Variants in ABL1 observed in about 807,000 individuals in gnomAD.
ABL1 encodes tyrosine-protein kinase ABL1.
In ABL1, 11 loss-of-function variants were observed where a neutral mutation model predicts 94.7. The ratio of observed to expected loss-of-function variants is 0.12; its 90% confidence interval spans 0.07 to 0.19. ABL1 has a LOEUF of 0.19. Ranked by LOEUF, ABL1 falls within the 10% of genes least tolerant of loss-of-function variation. The pLI is 1.00. For missense variants in ABL1, 1,082 were observed against 1,489.4 expected (o/e 0.73, Z 4.50); for synonymous variants, 656 against 622.4 (o/e 1.05, Z -0.80).
chr9:130,823,024 C>T (rs1830384975), intron 1 of ABL1, among the ~76,000 whole-genome samples: 1 of 152,122 alleles, frequency 6.6e-6, no homozygotes, highest in African/African-American at 2.4e-5. Context: ...TCTCAAACTA[C>T]TGACCTCGTG....
chr9:130,885,726 C>T lies in ABL1; in HGVS notation c.*43C>T. On this transcript the variant is annotated 3_prime_UTR_variant, in exon 11 of 11. Transcript: ENST00000318560. ...GTGTCAGGCCCGTCGGAGCTGCCTG[C>T]AGCACATGCGGGCTCGCCCATACCC... 6.3e-7 allele frequency: 1 copy of T among 1,575,944 alleles called. No individual in the cohort carries two copies. Among genetic ancestry groups the T allele is most frequent in the Non-Finnish European group, 8.6e-7 (1 of 1,160,746 alleles).
chr9:130,812,492 G>C (rs1455721738), intron 1 of ABL1, among the ~76,000 whole-genome samples: 1 of 152,070 alleles, frequency 6.6e-6, no homozygotes, highest in Admixed American at 6.6e-5. Flanking sequence ...AAAAGCAAAA[G>C]AGTGGAAAAA....
intron 1 of ABL1, among the ~76,000 whole-genome samples, chr9:130,771,856 C>T (rs1832257391): frequency 6.6e-6 from 1 of 150,412 alleles, no homozygotes; most frequent in East Asian, 2.0e-4. Context: ...TGGGCTCAAG[C>T]AATCCTCCCA....
intron 1 of ABL1, among the ~76,000 whole-genome samples, chr9:130,769,329 CTTTTTTTTTTTTTTT>C (rs372838676): frequency 2.4e-5 from 2 of 84,292 alleles, no homozygotes; most frequent in Non-Finnish European, 4.6e-5. Context: ...TGGCCCTAGT[CTTTTTTTTTTTTTTT>C]TTTTTTTGAG....
chr9:130,884,471 G>C lies in ABL1; in HGVS notation c.2181G>C (p.Lys727Asn). ...CCTCCTGCGTTCCCCATGGGGCCAA[G>C]GACACGGAGTGGAGGTCAGTCACGC... is the stretch of plus-strand genomic sequence containing the variant. ...CSASCVPHGA[K>N]DTEWRSVTLP... Residue 727 changes from lysine to asparagine, a missense_variant, in exon 11 of 11, where the codon AAG becomes AAC. Around this residue, in one of 7 missense-constraint regions of ABL1, gnomAD observed 780 missense variants for 835.8 expected, o/e 0.93. Coordinates refer to ENST00000318560, the MANE Select transcript of ABL1 (RefSeq NM_005157.6). The surrounding 1 kb of genome is among the most constrained non-coding windows in gnomAD (Gnocchi z 5.6). 6.2e-7 allele frequency: 1 copy of C among 1,613,082 alleles called. No homozygotes were observed. Among genetic ancestry groups the C allele is most frequent in the Non-Finnish European group, 8.5e-7 (1 of 1,180,026 alleles).
chr9:130,738,479 TGAA>T (rs766017974), intron 1 of ABL1, among the ~76,000 whole-genome samples: 2 of 152,160 alleles, frequency 1.3e-5, no homozygotes, highest in Non-Finnish European at 1.5e-5. Context: ...TTTGTGTGCA[TGAA>T]GAAGAACACA....
chr9:130,718,115 C>T (rs1831468011), intron 1 of ABL1, among the ~76,000 whole-genome samples: 1 of 151,344 alleles, frequency 6.6e-6, no homozygotes, highest in Non-Finnish European at 1.5e-5. Flanking sequence ...GTCAGTAGTT[C>T]GAAACTGGCC....
intron 1 of ABL1, among the ~76,000 whole-genome samples, chr9:130,778,848 T>A (rs777673262): frequency 6.6e-6 from 1 of 152,024 alleles, no homozygotes; most frequent in Non-Finnish European, 1.5e-5. Flanking sequence ...TCAATTCCTG[T>A]GATATTATGG....
At chr9:130,878,916 C>T (rs1588280238) in intron 8 of ABL1, among the ~76,000 whole-genome samples, 1 of 136,288 alleles carries the variant, frequency 7.3e-6, no homozygotes, top group Admixed American at 8.1e-5. Flanking sequence ...TCGCTCTTGT[C>T]GCCCAGGCTG....
At chr9:130,721,530 G>A (rs1045800284) in intron 1 of ABL1, among the ~76,000 whole-genome samples, 10 of 152,096 alleles carry the variant, frequency 6.6e-5, no homozygotes, top group South Asian at 2.1e-4. Flanking sequence ...GCAACATGGC[G>A]AAACCCCATC....
intron 4 of ABL1, among the ~76,000 whole-genome samples, chr9:130,870,302 A>G (rs1831231640): frequency 6.6e-6 from 1 of 152,216 alleles, no homozygotes; most frequent in African/African-American, 2.4e-5. Context: ...TTGCATGTAC[A>G]TACCTCTCAA....
chr9:130,833,940 C>G (rs1830524993), upstream of ABL1: 2 of 438,878 alleles, frequency 4.6e-6, no homozygotes, highest in South Asian at 1.6e-5. Flanking sequence ...GTTATTTGAC[C>G]AAAGATATCC....
At chr9:130,795,476 T>G (rs138157186) in intron 1 of ABL1, among the ~76,000 whole-genome samples, 61 of 152,310 alleles carry the variant, frequency 4.0e-4, no homozygotes, top group African/African-American at 1.4e-3. Context: ...ATCACACTTA[T>G]GAATTACGTT....
chr9:130,714,512 T>C lies in ABL1; in HGVS notation c.136+57T>C, dbSNP rs751255555. 3.1e-6 allele frequency: 5 copies of C among 1,611,114 alleles called. No individual in the cohort carries two copies. The South Asian group carries it at 5.5e-5, about 18-fold the overall frequency. On this transcript the variant is annotated intron_variant, in intron 1 of 10. Transcript: ENST00000372348. ...TTTCCTCATGCATTCATCTTAGGCCTTCAAGGAACTTTGAACAACAGTACT... is the reference window on the plus strand; with the variant it reads ...TTTCCTCATGCATTCATCTTAGGCCCTCAAGGAACTTTGAACAACAGTACT...
At chr9:130,757,476 C>T (rs113439633) in intron 1 of ABL1, among the ~76,000 whole-genome samples, 3,220 of 150,844 alleles carry the variant, frequency 0.021, 54 homozygotes, top group Middle Eastern at 0.035. Context: ...GTGGGAGGAC[C>T]GCTTGGGCCT....
chr9:130,758,726 TC>T (rs1832072875), intron 1 of ABL1, among the ~76,000 whole-genome samples: 1 of 152,158 alleles, frequency 6.6e-6, no homozygotes, highest in African/African-American at 2.4e-5. Context: ...AGCCACCGCA[TC>T]CGGCCCCAAT....
At chr9:130,754,269 G>A (rs1025810021) in intron 1 of ABL1, among the ~76,000 whole-genome samples, 17 of 151,256 alleles carry the variant, frequency 1.1e-4, no homozygotes, top group African/African-American at 4.1e-4. Flanking sequence ...AGCACTTTGG[G>A]AGGCCGAGGC....
intron 1 of ABL1, among the ~76,000 whole-genome samples, chr9:130,761,004 G>A (rs1281135437): frequency 1.5e-5 from 2 of 136,052 alleles, no homozygotes; most frequent in Admixed American, 8.1e-5. Context: ...CTGGAGTGCA[G>A]TGGTGCAATC....
Position 130,872,119 on chromosome 9 carries a change from C to T in ABL1, c.823-10C>T, listed in dbSNP as rs1408025794. On this transcript the variant is annotated splice_polypyrimidine_tract_variant and intron_variant, in intron 4 of 10. Coordinates refer to ENST00000318560, the MANE Select transcript of ABL1 (RefSeq NM_005157.6). This position sits in a 1 kb window ranked among gnomAD's most constrained non-coding sequence, Gnocchi z 5.0. ...GAAATAATTTCACCTTCGTTTTTTT[C>T]CTTCTGCAGGAGGACACCATGGAGG... The T allele has an allele frequency of 6.3e-7, 1 of 1,598,162 alleles. No homozygotes were observed. The highest frequency in any genetic ancestry group is 8.5e-7 in the Non-Finnish European group (1 of 1,171,628).
Sources: gnomAD v4.1 joint callset for allele counts (sites outside exome capture counted in the v4.1 genomes callset) on GRCh38, gnomAD v4.1.1 for gene constraint, gnomAD v4.1.1 regional missense constraint, Gnocchi (gnomAD v3.1) non-coding constraint, MANE v1.5 for transcripts, NCBI Gene and HGNC (gene_info 2026-07-23, HGNC 2026-07-21) for gene names.